Variants in CD36 observed in about 807,000 individuals in gnomAD.
CD36 encodes CD36 molecule (CD36 blood group), also known as platelet glycoprotein 4.
In CD36, 119 loss-of-function variants were observed where a neutral mutation model predicts 55.2. The observed-to-expected ratio is 2.15, with a 90% confidence interval of 1.86 to 2.51. The LOEUF (loss-of-function observed/expected upper bound fraction) is 2.51. Ranked by LOEUF, CD36 falls within the 30% of genes most tolerant of loss-of-function variation. The pLI is 0.00. For missense variants in CD36, 819 were observed against 555.5 expected, an observed-to-expected ratio of 1.47 and a Z score of -4.77; for synonymous variants, 186 against 193.6, an observed-to-expected ratio of 0.96 and a Z score of 0.33.
At chr7:80,647,285 A>G (rs1284101394) in intron 3 of CD36, 16 of 156,604 alleles carry the variant, frequency 1.0e-4, no homozygotes, top group East Asian at 3.9e-4. Context: ...TGTGTGTGTA[A>G]TGTGTTTAAT....
At position 80,666,502 on chromosome 7, in the gene CD36, G is replaced by T. The variant is rs185009522; in HGVS notation, c.748+13G>T. On this transcript the variant is annotated intron_variant, in intron 8 of 14. Transcript: ENST00000447544. ...ATTAATGGTACAGGTAAGAATATTT[G>T]TTTTGTGGTCATCACAGTTAATCCA... 1 of 1,598,892 alleles carries T rather than the reference G, an allele frequency of 6.3e-7. No homozygotes were observed. Among genetic ancestry groups the T allele is most frequent in the Admixed American group, 1.7e-5 (1 of 59,992 alleles).
intron 1 of CD36, among the ~76,000 whole-genome samples, chr7:80,622,472 T>C (rs1793523715): frequency 6.6e-6 from 1 of 152,062 alleles, no homozygotes; most frequent in Non-Finnish European, 1.5e-5. Flanking sequence ...CAGCAGAACT[T>C]GGAGAAAGGT....
chr7:80,613,250 A>T (rs1322121007), intron 1 of CD36, among the ~76,000 whole-genome samples: 1 of 152,114 alleles, frequency 6.6e-6, no homozygotes, highest in African/African-American at 2.4e-5. Flanking sequence ...GATAAATTCA[A>T]AGTTTCAGTG....
At position 80,667,747 on chromosome 7, in the gene CD36, G is replaced by GTTTTTTTTTTTTTTTTTTTTTT. The variant is rs1165767460; in HGVS notation, c.748+1279_748+1280insTTTTTTTTTTTTTTTTTTTTTT. On this transcript the variant is annotated intron_variant, in intron 8 of 14. Transcript: ENST00000447544. ...GTTGGATTTGCAGGGGTTTTCTTTTGTTTTTTTTTTTTTTTTTTTTTGAGA... is the reference window on the plus strand; with the variant it reads ...GTTGGATTTGCAGGGGTTTTCTTTTGTTTTTTTTTTTTTTTTTTTTTTTTTTTTTTTTTTTTTTTTTTTGAGA... Among the ~76,000 whole-genome samples the GTTTTTTTTTTTTTTTTTTTTTT allele has an allele frequency of 4.8e-5, 4 of 82,640 alleles. 1 individual carries two copies. Among genetic ancestry groups the GTTTTTTTTTTTTTTTTTTTTTT allele is most frequent in the African/African-American group, 1.7e-4 (4 of 24,114 alleles). The allele number at this position is 82,640 out of a possible 152,430, so 54.2% of individuals were successfully genotyped here.
chr7:80,620,701 G>C (rs1793418737), intron 1 of CD36, among the ~76,000 whole-genome samples: 1 of 152,088 alleles, frequency 6.6e-6, no homozygotes, highest in Admixed American at 6.5e-5. Flanking sequence ...GAAAGATTAG[G>C]GTCCTGCCTT....
At chr7:80,647,258 C>CTG (rs3138813) in intron 3 of CD36, 80,207 of 204,440 alleles carry the variant, frequency 0.39, 16,083 homozygotes, top group Admixed American at 0.46. Flanking sequence ...AAAAGTAAAA[C>CTG]TGTGTGTGTG....
chr7:80,642,687 T>A (rs1485688753), intron 1 of CD36, among the ~76,000 whole-genome samples: 1 of 152,186 alleles, frequency 6.6e-6, no homozygotes, highest in Non-Finnish European at 1.5e-5. Context: ...GTATTTTGCC[T>A]ATTCTTAGGA....
chr7:80,606,810 A>T (rs1207941265), intron 1 of CD36, among the ~76,000 whole-genome samples: 1 of 151,816 alleles, frequency 6.6e-6, no homozygotes, highest in Non-Finnish European at 1.5e-5. Flanking sequence ...TCCCCTCAAA[A>T]CCCTCTCTGA....
rs138937215 is a variant in CD36, at chr7:80,671,002, G to A, written c.844G>A (p.Asp282Asn). 1.1e-4 allele frequency: 174 copies of A among 1,613,230 alleles called. No homozygotes were observed. The African/African-American group carries it at 2.0e-3, about 19-fold the overall frequency. The change falls in exon 10 of 15, where the codon GAC becomes AAC. Residue 282 changes from aspartate to asparagine, a missense_variant. By Grantham distance (23) the Asp-to-Asn change is conservative. Coordinates refer to ENST00000447544, the MANE Select transcript of CD36 (RefSeq NM_001001548.3). ...CRSIYAVFES[D>N]VNLKGIPVYR... is the part of the protein sequence containing the mutation. ...GTCAATCTATGCTGTATTTGAATCC[G>A]ACGTTAATCTGAAAGGAATCCCTGT...
At chr7:80,666,078 A>G (rs980669681) in intron 7 of CD36, 2 of 224,342 alleles carry the variant, frequency 8.9e-6, no homozygotes, top group African/African-American at 2.3e-5. Context: ...CTTTCCTTCT[A>G]TTCATTCTGA....
At chr7:80,643,807 GCAAGACAGTGA>G (rs1205094058) in intron 1 of CD36, among the ~76,000 whole-genome samples, 3 of 152,152 alleles carry the variant, frequency 2.0e-5, no homozygotes, top group African/African-American at 7.2e-5. Context: ...CTTTCATTTA[GCAAGACAGTGA>G]CAAATCAGTC....
chr7:80,673,484 A>G, intron 13 of CD36, 75 bp downstream of exon 13: 2 of 858,952 alleles, frequency 2.3e-6, no homozygotes, highest in South Asian at 1.3e-5. Flanking sequence ...TTTCAAAAGA[A>G]TGTATAGTAT....
chr7:80,671,880 G>A (rs758398319), intron 10 of CD36, 42 bp from the exon 11 acceptor site: 2 of 1,581,292 alleles, frequency 1.3e-6, no homozygotes, highest in Non-Finnish European at 1.7e-6. Context: ...GTGAAATGAA[G>A]GAAGTTATTA....
chr7:80,678,727 C>CCT lies in CD36; in HGVS notation c.*2345_*2346dup, dbSNP rs1157676010. 14 of 152,088 alleles carry CCT rather than the reference C, an allele frequency of 9.2e-5. No homozygotes were observed. Among genetic ancestry groups the CCT allele is most frequent in the Admixed American group, 9.2e-4 (14 of 15,268 alleles). 9.4% of individuals were successfully genotyped at this position (152,088 alleles called of 1,614,324 possible). On this transcript the variant is annotated 3_prime_UTR_variant, in exon 15 of 15. Transcript: ENST00000447544. Reference sequence around the variant, plus strand: ...AATGAGCGGGGTGTGGTGGCCCATGCCTGTAGTCCCAGCTGCTCGGGAGAC... The same window carrying CCT: ...AATGAGCGGGGTGTGGTGGCCCATGCCTCTGTAGTCCCAGCTGCTCGGGAGAC...
intron 1 of CD36, among the ~76,000 whole-genome samples, chr7:80,630,840 A>G (rs1794034407): frequency 6.6e-6 from 1 of 152,048 alleles, no homozygotes; most frequent in South Asian, 2.1e-4. Context: ...GGGAAAATAA[A>G]TACGCTTAGA....
At chr7:80,621,979 T>C (rs1793496688) in intron 1 of CD36, among the ~76,000 whole-genome samples, 1 of 152,206 alleles carries the variant, frequency 6.6e-6, no homozygotes, top group Admixed American at 6.5e-5. Flanking sequence ...CTATTTTATA[T>C]ATACCTTCCC....
chr7:80,663,099 G>A lies in CD36; in HGVS notation c.539G>A (p.Trp180Ter), dbSNP rs202075359. The A allele has an allele frequency of 2.9e-5, 47 of 1,613,524 alleles. No homozygotes were observed. The Admixed American group carries it at 3.7e-4, about 13-fold the overall frequency. ...FQVRTLRELL[W>*]GYRDPFLSLV... ...GTCAGAACTTTGAGAGAACTGTTAT[G>A]GGGCTATAGGGATCCATTTTTGAGT... The change falls in exon 6 of 15, where the codon TGG becomes TAG. Residue 180 changes from tryptophan (W) to a stop codon, truncating the protein, a stop_gained. Coordinates refer to ENST00000447544, the MANE Select transcript of CD36 (RefSeq NM_001001548.3). LOFTEE classifies it high-confidence loss of function.
intron 1 of CD36, among the ~76,000 whole-genome samples, chr7:80,622,413 A>G (rs1026229094): frequency 5.3e-5 from 8 of 152,254 alleles, no homozygotes; most frequent in Admixed American, 3.3e-4. Flanking sequence ...AGAACAAAGA[A>G]GAATAATGGC....
At chr7:80,638,426 T>G (rs1267431857), upstream of CD36, 1 of 150,858 alleles carries the variant, frequency 6.6e-6, no homozygotes, top group Non-Finnish European at 1.5e-5. Flanking sequence ...GCTGAATATC[T>G]CAGATATAGG....
Sources: allele counts gnomAD v4.1 joint callset (sites outside exome capture counted in the v4.1 genomes callset), GRCh38; gene constraint gnomAD v4.1.1; transcripts MANE v1.5; gene names NCBI Gene and HGNC (gene_info 2026-07-23, HGNC 2026-07-21).